ABCA13: variants seen among roughly 807,000 people sequenced by gnomAD.
The protein encoded by ABCA13 is ATP-binding cassette sub-family A member 13.
ABCA13 carries 476 observed loss-of-function variants against 478.7 expected under a neutral mutation model. That is an observed-to-expected ratio of 0.99 (90% CI 0.92 to 1.07). The LOEUF is 1.07. Ranked by LOEUF, ABCA13 falls within the 50% of genes least tolerant of loss-of-function variation. The pLI is 0.00. For missense variants in ABCA13, 6,060 were observed against 5,910.6 expected (o/e 1.03, Z -0.83); for synonymous variants, 2,252 against 2,158.9 (o/e 1.04, Z -1.20).
chr7:48,276,648 A>G, intron 17 of ABCA13, 83 bp downstream of exon 17: 2 of 1,139,572 alleles, frequency 1.8e-6, no homozygotes, highest in Non-Finnish European at 2.5e-6. Context: ...AGACATGTCA[A>G]AAACAGTATT....
At chr7:48,598,717 A>G (rs1168018106) in intron 58 of ABCA13, among the ~76,000 whole-genome samples, 1 of 151,992 alleles carries the variant, frequency 6.6e-6, no homozygotes, top group Admixed American at 6.5e-5. Flanking sequence ...ATTTATTTTT[A>G]TATGGTTTGT....
intron 42 of ABCA13, among the ~76,000 whole-genome samples, chr7:48,450,990 CT>C (rs1218239620): frequency 5.8e-4 from 72 of 123,564 alleles, no homozygotes; most frequent in Admixed American, 5.0e-4. Flanking sequence ...TTTTTCTTTT[CT>C]TTTTCTTTTT....
intron 55 of ABCA13, among the ~76,000 whole-genome samples, chr7:48,561,515 A>G (rs561607984): frequency 2.6e-5 from 4 of 152,178 alleles, no homozygotes; most frequent in African/African-American, 4.8e-5. Context: ...TTCTTCATGT[A>G]TCTGTTAGCT....
chr7:48,513,127 TG>T (rs1831836361), intron 51 of ABCA13, among the ~76,000 whole-genome samples: 1 of 152,184 alleles, frequency 6.6e-6, no homozygotes, highest in South Asian at 2.1e-4. Context: ...TGGCAATCTC[TG>T]GGTGAGGATA....
chr7:48,272,263 T>A lies in ABCA13; in HGVS notation c.2597T>A (p.Ile866Asn). ...LLNFSVPENE[I>N]LSTSFNFSQL... is the part of the protein sequence containing the mutation. Reference sequence around the variant, plus strand: ...AATTTTTCTGTTCCAGAAAATGAGATTCTGAGTACAAGTTTTAACTTTTCC... The same window carrying A: ...AATTTTTCTGTTCCAGAAAATGAGAATCTGAGTACAAGTTTTAACTTTTCC... Residue 866 changes from isoleucine (I) to asparagine (N), a missense_variant, in exon 17 of 62, where the codon ATT becomes AAT. Physicochemically the swap from Ile to Asn is moderately radical, Grantham distance 149 (BLOSUM62 -3). Coordinates refer to ENST00000435803, the MANE Select transcript of ABCA13 (RefSeq NM_152701.5). 6.2e-7 allele frequency: 1 copy of A among 1,613,312 alleles called. No homozygotes were observed. Among genetic ancestry groups the A allele is most frequent in the Non-Finnish European group, 8.5e-7 (1 of 1,179,650 alleles).
At chr7:48,514,961 T>C (rs912538855) in intron 51 of ABCA13, among the ~76,000 whole-genome samples, 2 of 152,180 alleles carry the variant, frequency 1.3e-5, no homozygotes, top group African/African-American at 4.8e-5. Context: ...TGATTTTATA[T>C]ATCATATTAT....
intron 31 of ABCA13, among the ~76,000 whole-genome samples, chr7:48,356,412 T>C (rs2128994307): frequency 6.6e-6 from 1 of 151,028 alleles, no homozygotes. Flanking sequence ...AAATATAAGA[T>C]GCTACCTGGG....
intron 2 of ABCA13, among the ~76,000 whole-genome samples, chr7:48,193,804 ATG>A (rs1300418070): frequency 6.6e-6 from 1 of 152,070 alleles, no homozygotes; most frequent in African/African-American, 2.4e-5. Context: ...AATGGAGATG[ATG>A]ATTGGGAAAA....
intron 15 of ABCA13, among the ~76,000 whole-genome samples, chr7:48,266,215 G>T (rs922816590): frequency 4.6e-5 from 7 of 151,434 alleles, no homozygotes; most frequent in Admixed American, 4.6e-4. Context: ...TTTATGAGGG[G>T]CAGTGGTCTT....
At chr7:48,450,582 TTAG>T (rs933087896) in intron 42 of ABCA13, among the ~76,000 whole-genome samples, 39 of 152,230 alleles carry the variant, frequency 2.6e-4, no homozygotes, top group Non-Finnish European at 5.3e-4. Flanking sequence ...TAGTTTAATA[TTAG>T]TAGTTTTAGC....
intron 41 of ABCA13, among the ~76,000 whole-genome samples, chr7:48,414,151 C>G (rs1462889602): frequency 2.0e-5 from 3 of 152,206 alleles, no homozygotes; most frequent in Non-Finnish European, 4.4e-5. Flanking sequence ...AGGATGCGGT[C>G]ACTACATCTT....
At chr7:48,539,485 A>G (rs1385066102) in intron 55 of ABCA13, among the ~76,000 whole-genome samples, 1 of 152,184 alleles carries the variant, frequency 6.6e-6, no homozygotes, top group African/African-American at 2.4e-5. Context: ...GGTACAGTTC[A>G]TACAGGAAAA....
chr7:48,307,154 T>A (rs1254963464), intron 23 of ABCA13, among the ~76,000 whole-genome samples: 2 of 152,142 alleles, frequency 1.3e-5, no homozygotes, highest in African/African-American at 4.8e-5. Context: ...ACTTAATGAC[T>A]AGGATTCATT....
intron 18 of ABCA13, among the ~76,000 whole-genome samples, chr7:48,280,124 T>C (rs1199242862): frequency 6.6e-6 from 1 of 152,228 alleles, no homozygotes; most frequent in East Asian, 1.9e-4. Context: ...CATTCAAATA[T>C]AATTGCAGTT....
At chr7:48,297,786 C>CCTTTTT (rs1554424130) in intron 22 of ABCA13, among the ~76,000 whole-genome samples, 1 of 142,002 alleles carries the variant, frequency 7.0e-6, no homozygotes. Context: ...TTCTTTCTTT[C>CCTTTTT]TTTTTTTTTT....
At position 48,645,497 on chromosome 7, in the gene ABCA13, T is replaced by C. The variant is rs918005240; in HGVS notation, c.15162T>C (p.His5054=). 6.3e-7 allele frequency: 1 copy of C among 1,586,206 alleles called. No homozygotes were observed. The highest frequency in any genetic ancestry group is 1.2e-5 in the South Asian group (1 of 86,340). Residue 5054 remains histidine, a synonymous_variant, in exon 62 of 62, where the codon CAT becomes CAC. Transcript: ENST00000435803. ...LDPSTDSHHT[H]HLPI ...CATCCACTGACAGTCACCACACACA[T>C]CACTTGCCCATCTGAGCACTAAAGA...
intron 34 of ABCA13, 131 bp from the exon 35 acceptor site, chr7:48,376,308 TGA>T: frequency 9.7e-7 from 1 of 1,031,706 alleles, no homozygotes; most frequent in Non-Finnish European, 1.4e-6. Context: ...TTATGGCCAG[TGA>T]TATTGACCTT....
intron 29 of ABCA13, among the ~76,000 whole-genome samples, chr7:48,345,619 T>C (rs972752341): frequency 6.6e-5 from 10 of 152,218 alleles, no homozygotes; most frequent in African/African-American, 1.9e-4. Context: ...CAATGTGTTT[T>C]GTATTTTAAG....
intron 10 of ABCA13, among the ~76,000 whole-genome samples, chr7:48,241,566 A>G (rs1403423759): frequency 6.6e-6 from 1 of 152,224 alleles, no homozygotes; most frequent in Non-Finnish European, 1.5e-5. Flanking sequence ...ACCACAATTG[A>G]TTCACCAAAA....
Sources: allele counts gnomAD v4.1 joint callset (sites outside exome capture counted in the v4.1 genomes callset), GRCh38; gene constraint gnomAD v4.1.1; transcripts MANE v1.5; gene names NCBI Gene and HGNC (gene_info 2026-07-23, HGNC 2026-07-21).